Variants in FAAH2 observed in about 807,000 individuals in gnomAD.
FAAH2 encodes the protein fatty acid amide hydrolase 2, also known as fatty-acid amide hydrolase 2.
Under a neutral mutation model 36.9 loss-of-function variants are expected in FAAH2, and 60 were observed. That is an observed-to-expected ratio of 1.63 (90% confidence interval 1.32 to 2.02). The LOEUF (loss-of-function observed/expected upper bound fraction) is 2.02, where lower values mean the gene tolerates loss of function less well. FAAH2 is among the 30% of genes most tolerant of loss of function. The pLI, the probability that FAAH2 is intolerant of heterozygous loss-of-function variation, is 0.00. For synonymous variants in FAAH2, 214 were observed against 143.8 expected, an observed-to-expected ratio of 1.49 and a Z score of -3.49; for missense variants, 689 against 397.5, an observed-to-expected ratio of 1.73 and a Z score of -6.23.
At chrX:57,341,414 G>T in intron 5 of FAAH2, 24 bp downstream of exon 5, 1 of 1,194,197 alleles carries the variant, frequency 8.4e-7, no homozygotes, top group Non-Finnish European at 1.1e-6. Context: ...GATCAGAAGG[G>T]TGGTTCTACT....
chrX:57,260,728 T>C, the FAAH2 span, among the ~76,000 whole-genome samples: 213 of 110,355 alleles, frequency 1.9e-3, 2 homozygotes, highest in African/African-American at 6.7e-3. Context: ...AAACAAACAC[T>C]AGGGATCAAA....
At chrX:57,239,309 G>A in the FAAH2 span, among the ~76,000 whole-genome samples, 2 of 111,224 alleles carry the variant, frequency 1.8e-5, no homozygotes, top group Admixed American at 9.6e-5. Context: ...ATTTGTTTAT[G>A]AAGATTAGTT....
intron 8 of FAAH2, among the ~76,000 whole-genome samples, chrX:57,442,818 C>T (rs5914109): frequency 9.1e-6 from 1 of 110,319 alleles, no homozygotes; most frequent in African/African-American, 3.3e-5. Context: ...GTGACAAAAT[C>T]TCTCGGCATT....
chrX:57,318,862 C>A (rs1389693249), intron 3 of FAAH2, among the ~76,000 whole-genome samples: 1 of 111,967 alleles, frequency 8.9e-6, no homozygotes, highest in Non-Finnish European at 1.9e-5. Context: ...AAGGCTGATT[C>A]ATCATATGCA....
chrX:57,137,231 C>T, the FAAH2 span: 4 of 760,713 alleles, frequency 5.3e-6, no homozygotes, highest in Non-Finnish European at 6.2e-6. Flanking sequence ...CGCCGGGGAT[C>T]GCGGGCCTCA....
intron 7 of FAAH2, among the ~76,000 whole-genome samples, chrX:57,420,872 C>T (rs1454712763): frequency 2.7e-5 from 3 of 111,475 alleles, no homozygotes; most frequent in African/African-American, 9.8e-5. Context: ...ATAGATAGCT[C>T]TTATTATTTT....
At chrX:57,198,615 A>G in the FAAH2 span, among the ~76,000 whole-genome samples, 1 of 112,449 alleles carries the variant, frequency 8.9e-6, no homozygotes, top group Non-Finnish European at 1.9e-5. Context: ...TTTACCCAGG[A>G]TATTTAATGC....
At chrX:57,240,200 T>C in the FAAH2 span, among the ~76,000 whole-genome samples, 1 of 111,680 alleles carries the variant, frequency 9.0e-6, no homozygotes, top group African/African-American at 3.3e-5. Flanking sequence ...TGTATGGTGC[T>C]TTTTGCTTGT....
the FAAH2 span, among the ~76,000 whole-genome samples, chrX:57,236,405 A>G: frequency 2.7e-5 from 3 of 112,389 alleles, no homozygotes; most frequent in African/African-American, 9.7e-5. Context: ...TAATATTTTG[A>G]GGAATCTCCG....
At chrX:57,400,390 C>T (rs988301497) in intron 7 of FAAH2, among the ~76,000 whole-genome samples, 12 of 112,310 alleles carry the variant, frequency 1.1e-4, no homozygotes, top group South Asian at 3.7e-4. Context: ...GCTGGCCCCT[C>T]GGACCTGTGT....
intron 7 of FAAH2, among the ~76,000 whole-genome samples, chrX:57,390,324 A>T (rs751022195): frequency 1.0e-3 from 114 of 111,540 alleles, no homozygotes; most frequent in Admixed American, 1.7e-3. Context: ...CAAGTCTTAT[A>T]TTTATTGTAC....
the FAAH2 span, among the ~76,000 whole-genome samples, chrX:57,212,748 A>G: frequency 8.9e-6 from 1 of 112,065 alleles, no homozygotes; most frequent in Non-Finnish European, 1.9e-5. Context: ...TATGAATCAT[A>G]ACTATTCCCG....
chrX:57,417,621 A>G (rs1460148140), intron 7 of FAAH2, among the ~76,000 whole-genome samples: 1 of 111,681 alleles, frequency 9.0e-6, no homozygotes, highest in Non-Finnish European at 1.9e-5. Context: ...CAGCGGGGCA[A>G]CTTCCAGATG....
At chrX:57,269,498 C>A in the FAAH2 span, among the ~76,000 whole-genome samples, 1 of 111,502 alleles carries the variant, frequency 9.0e-6, no homozygotes, top group African/African-American at 3.3e-5. Flanking sequence ...TAAGCAAATT[C>A]AAGAGAACTG....
At chrX:57,254,581 T>C in the FAAH2 span, among the ~76,000 whole-genome samples, 1 of 111,743 alleles carries the variant, frequency 8.9e-6, no homozygotes, top group East Asian at 2.8e-4. Flanking sequence ...TGTCTCTCAG[T>C]CCAGAGTGCA....
chrX:57,456,180 A>T (rs907169444), intron 10 of FAAH2, among the ~76,000 whole-genome samples: 1 of 111,992 alleles, frequency 8.9e-6, no homozygotes, highest in African/African-American at 3.2e-5. Flanking sequence ...GAAATTAAAC[A>T]ACTTTCTCCT....
At chrX:57,450,812 G>T (rs2056769804) in intron 10 of FAAH2, among the ~76,000 whole-genome samples, 1 of 111,170 alleles carries the variant, frequency 9.0e-6, no homozygotes, top group East Asian at 2.8e-4. Context: ...AATGTGTAGA[G>T]TGCTTTAAAA....
the FAAH2 span, among the ~76,000 whole-genome samples, chrX:57,152,246 T>C: frequency 8.9e-6 from 1 of 112,224 alleles, no homozygotes; most frequent in Non-Finnish European, 1.9e-5. Flanking sequence ...CGTCTGCCAG[T>C]CCTCAGATCT....
chrX:57,122,133 G>A, the FAAH2 span, among the ~76,000 whole-genome samples: 11 of 111,258 alleles, frequency 9.9e-5, no homozygotes, highest in African/African-American at 3.3e-4. Context: ...AATATTAAGA[G>A]GAAAATCATC....
Sources: gnomAD v4.1 joint callset for allele counts (sites outside exome capture counted in the v4.1 genomes callset) on GRCh38, gnomAD v4.1.1 for gene constraint, MANE v1.5 for transcripts, NCBI Gene and HGNC (gene_info 2026-07-23, HGNC 2026-07-21) for gene names.